Variants in SGMS1 observed in about 807,000 individuals in gnomAD.
The protein encoded by SGMS1 is sphingomyelin synthase 1.
SGMS1 carries 13 observed loss-of-function variants against 46.2 expected under a neutral mutation model. The observed-to-expected ratio is 0.28, with a 90% confidence interval of 0.18 to 0.45. The LOEUF is 0.45. SGMS1 is among the 20% of genes least tolerant of loss of function. SGMS1 has a pLI of 1.00. For missense variants in SGMS1, 324 were observed against 519.9 expected (o/e 0.62, Z 3.66); for synonymous variants, 203 against 187.8 (o/e 1.08, Z -0.66).
intron 2 of SGMS1, among the ~76,000 whole-genome samples, chr10:50,559,796 C>T (rs1412503004): frequency 6.6e-6 from 1 of 152,056 alleles, no homozygotes; most frequent in East Asian, 1.9e-4. Flanking sequence ...TGATGTCCCA[C>T]TATTAGGAGT....
intron 6 of SGMS1, among the ~76,000 whole-genome samples, chr10:50,399,919 C>T (rs1848906661): frequency 6.6e-6 from 1 of 151,704 alleles, no homozygotes; most frequent in South Asian, 2.1e-4. Flanking sequence ...GTCCCAGCCA[C>T]TCGGGAGGCT....
intron 8 of SGMS1, among the ~76,000 whole-genome samples, chr10:50,322,259 C>T (rs1443190952): frequency 2.0e-5 from 3 of 152,174 alleles, no homozygotes; most frequent in African/African-American, 7.2e-5. Context: ...AATCTAAGGT[C>T]ACCATGGAGA....
At chr10:50,387,926 G>T (rs1848705581) in intron 6 of SGMS1, among the ~76,000 whole-genome samples, 1 of 152,142 alleles carries the variant, frequency 6.6e-6, no homozygotes, top group African/African-American at 2.4e-5. Context: ...TGAACAATTG[G>T]CCCCCTTTGA....
intron 5 of SGMS1, among the ~76,000 whole-genome samples, chr10:50,446,607 G>T (rs1837017906): frequency 6.6e-6 from 1 of 152,160 alleles, no homozygotes; most frequent in Non-Finnish European, 1.5e-5. Context: ...GTAAGAGTAT[G>T]AATCTATAAA....
chr10:50,322,329 C>A (rs533548905), intron 8 of SGMS1, among the ~76,000 whole-genome samples: 1 of 152,320 alleles, frequency 6.6e-6, no homozygotes, highest in Non-Finnish European at 1.5e-5. Flanking sequence ...TAGATTAACT[C>A]ATCTGATTAT....
At chr10:50,355,508 C>G (rs577019526) in intron 6 of SGMS1, among the ~76,000 whole-genome samples, 7 of 152,326 alleles carry the variant, frequency 4.6e-5, no homozygotes, top group Non-Finnish European at 8.8e-5. Context: ...CTCCTGACTG[C>G]GAGTGATCTG....
chr10:50,396,348 C>G (rs1228891838), intron 6 of SGMS1, among the ~76,000 whole-genome samples: 1 of 152,102 alleles, frequency 6.6e-6, no homozygotes, highest in Admixed American at 6.6e-5. Context: ...AAAGTCAACC[C>G]ACACAGTAAG....
chr10:50,437,109 G>A (rs1201061143), intron 5 of SGMS1, among the ~76,000 whole-genome samples: 4 of 152,268 alleles, frequency 2.6e-5, no homozygotes, highest in Admixed American at 1.3e-4. Context: ...AACAGTAAAC[G>A]CTTATTAAAT....
intron 2 of SGMS1, among the ~76,000 whole-genome samples, chr10:50,553,092 A>G (rs1038571302): frequency 6.6e-6 from 1 of 152,222 alleles, no homozygotes; most frequent in Admixed American, 6.5e-5. Flanking sequence ...CACGGTGCCA[A>G]TCACAGCCAT....
intron 1 of SGMS1, among the ~76,000 whole-genome samples, chr10:50,620,102 A>G (rs1420533545): frequency 6.6e-6 from 1 of 152,252 alleles, no homozygotes; most frequent in Non-Finnish European, 1.5e-5. Flanking sequence ...TCCAGAAGTC[A>G]GTTATAAAAC....
At chr10:50,589,817 A>G (rs1470313203) in intron 2 of SGMS1, among the ~76,000 whole-genome samples, 2 of 152,216 alleles carry the variant, frequency 1.3e-5, no homozygotes, top group Non-Finnish European at 2.9e-5. Context: ...CAGTGAAGGG[A>G]GCATAACTCA....
intron 4 of SGMS1, among the ~76,000 whole-genome samples, chr10:50,466,416 A>G (rs908371221): frequency 6.6e-5 from 10 of 152,164 alleles, no homozygotes; most frequent in African/African-American, 2.4e-4. Flanking sequence ...GTTCATCTAC[A>G]CAGAAAGAAT....
At chr10:50,360,741 G>C (rs1848232948) in intron 6 of SGMS1, among the ~76,000 whole-genome samples, 1 of 152,038 alleles carries the variant, frequency 6.6e-6, no homozygotes, top group African/African-American at 2.4e-5. Context: ...GAGAAGCCTG[G>C]GAAAGTCTAA....
intron 6 of SGMS1, among the ~76,000 whole-genome samples, chr10:50,425,599 G>A (rs1849314775): frequency 7.0e-6 from 1 of 143,550 alleles, no homozygotes. Flanking sequence ...TTACTAGACA[G>A]GGGAGGGAGG....
At chr10:50,591,250 G>A (rs1838538143) in intron 1 of SGMS1, among the ~76,000 whole-genome samples, 1 of 152,076 alleles carries the variant, frequency 6.6e-6, no homozygotes, top group African/African-American at 2.4e-5. Context: ...ATCTGACAAG[G>A]ATATTCAACT....
chr10:50,407,871 G>A (rs1043167462), intron 6 of SGMS1, among the ~76,000 whole-genome samples: 4 of 151,610 alleles, frequency 2.6e-5, no homozygotes, highest in Admixed American at 6.6e-5. Context: ...TGGATCCAGC[G>A]CCTTAATATC....
chr10:50,436,190 C>T (rs1425465443), intron 5 of SGMS1, among the ~76,000 whole-genome samples: 12 of 152,112 alleles, frequency 7.9e-5, no homozygotes, highest in Admixed American at 2.6e-4. Flanking sequence ...CTGCAAGCTC[C>T]GCCTCCCGGG....
chr10:50,345,183 A>G (rs1847896728), intron 6 of SGMS1, among the ~76,000 whole-genome samples: 1 of 151,872 alleles, frequency 6.6e-6, no homozygotes, highest in Non-Finnish European at 1.5e-5. Context: ...CCAAATAGAT[A>G]AAAGATCTAC....
At chr10:50,375,752 T>C (rs1210665949) in intron 6 of SGMS1, among the ~76,000 whole-genome samples, 1 of 152,176 alleles carries the variant, frequency 6.6e-6, no homozygotes, top group African/African-American at 2.4e-5. Flanking sequence ...GATTAAATTA[T>C]TTGATCACAT....
Sources: allele counts gnomAD v4.1 joint callset (sites outside exome capture counted in the v4.1 genomes callset), GRCh38; gene constraint gnomAD v4.1.1; transcripts MANE v1.5; gene names NCBI Gene and HGNC (gene_info 2026-07-23, HGNC 2026-07-21).